The following FYB1 variants were observed in gnomAD, a reference collection of about 807,000 sequenced individuals.
FYB1 encodes FYN binding protein 1, also known as FYN-binding protein 1.
In FYB1, 41 loss-of-function variants were observed where a neutral mutation model predicts 94.1. That is an observed-to-expected ratio of 0.44 (90% CI 0.34 to 0.57). FYB1 has a LOEUF of 0.57. Among genes scored for constraint, FYB1 ranks in the 20% least tolerant of loss-of-function variants. FYB1 has a pLI of 0.02. For synonymous variants in FYB1, 367 were observed against 353.2 expected, an observed-to-expected ratio of 1.04 and a Z score of -0.44; for missense variants, 1,050 against 976.8, an observed-to-expected ratio of 1.07 and a Z score of -1.00.
chr5:39,187,546 G>C (rs1746946913), intron 2 of FYB1, among the ~76,000 whole-genome samples: 1 of 152,138 alleles, frequency 6.6e-6, no homozygotes, highest in Non-Finnish European at 1.5e-5. Flanking sequence ...AGTTGCACTT[G>C]GGCAATAATC....
intron 1 of FYB1, among the ~76,000 whole-genome samples, chr5:39,255,162 T>C (rs1332355443): frequency 2.0e-5 from 3 of 152,206 alleles, no homozygotes; most frequent in South Asian, 4.1e-4. Flanking sequence ...AAAAGGTTTA[T>C]TGTGGATATT....
chr5:39,216,007 T>C (rs922315988), intron 1 of FYB1, among the ~76,000 whole-genome samples: 2 of 152,102 alleles, frequency 1.3e-5, no homozygotes, highest in Non-Finnish European at 2.9e-5. Flanking sequence ...GTAGAGGTTT[T>C]AGTGATGCAA....
intron 1 of FYB1, among the ~76,000 whole-genome samples, chr5:39,241,707 C>T (rs1751213829): frequency 6.6e-6 from 1 of 152,110 alleles, no homozygotes; most frequent in Non-Finnish European, 1.5e-5. Flanking sequence ...AGGTGCCATG[C>T]ACAATGCTAC....
chr5:39,209,537 G>T (rs935390694), intron 1 of FYB1, among the ~76,000 whole-genome samples: 2 of 152,052 alleles, frequency 1.3e-5, no homozygotes, highest in African/African-American at 4.8e-5. Flanking sequence ...TGTTGGCCAG[G>T]CTGGTCTTGA....
At chr5:39,150,137 T>G (rs918946907) in intron 3 of FYB1, among the ~76,000 whole-genome samples, 3 of 152,076 alleles carry the variant, frequency 2.0e-5, no homozygotes, top group African/African-American at 7.2e-5. Flanking sequence ...AAGACCAGAT[T>G]AAAAATCAAA....
chr5:39,121,556 C>T (rs569317688), intron 14 of FYB1, among the ~76,000 whole-genome samples: 5 of 152,216 alleles, frequency 3.3e-5, no homozygotes, highest in African/African-American at 1.2e-4. Context: ...TAATCAAATA[C>T]AGGATCTTTT....
intron 14 of FYB1, among the ~76,000 whole-genome samples, chr5:39,120,224 TTGTG>T (rs10532379): frequency 1.0e-4 from 15 of 147,656 alleles, no homozygotes; most frequent in Admixed American, 2.0e-4. Flanking sequence ...CCTTTATCAA[TTGTG>T]TGTGTGTGTG....
intron 1 of FYB1, among the ~76,000 whole-genome samples, chr5:39,204,528 C>G (rs1316743288): frequency 6.6e-6 from 1 of 152,160 alleles, no homozygotes; most frequent in Admixed American, 6.5e-5. Context: ...AGGCCTTGAA[C>G]ATGCTACCTA....
At chr5:39,171,314 A>G (rs971903650) in intron 2 of FYB1, among the ~76,000 whole-genome samples, 1 of 152,068 alleles carries the variant, frequency 6.6e-6, no homozygotes, top group Non-Finnish European at 1.5e-5. Flanking sequence ...CCCTGAAGAT[A>G]GCATTTATAC....
intron 2 of FYB1, among the ~76,000 whole-genome samples, chr5:39,159,386 T>G (rs183708477): frequency 2.1e-4 from 32 of 152,270 alleles, no homozygotes; most frequent in African/African-American, 7.5e-4. Context: ...CACTAAGTAG[T>G]TTGTAAAACT....
At chr5:39,196,923 G>A (rs921911832) in intron 2 of FYB1, among the ~76,000 whole-genome samples, 37 of 152,132 alleles carry the variant, frequency 2.4e-4, no homozygotes, top group African/African-American at 8.7e-4. Context: ...AGGAATAAAC[G>A]GCATAATGTG....
intron 16 of FYB1, among the ~76,000 whole-genome samples, chr5:39,116,167 T>C (rs1044213108): frequency 6.6e-6 from 1 of 152,172 alleles, no homozygotes; most frequent in Non-Finnish European, 1.5e-5. Flanking sequence ...TGCCTTCGCT[T>C]CTCTATCTCA....
chr5:39,108,118 A>T (rs1738698394), intron 18 of FYB1, 113 bp downstream of exon 18: 1 of 1,013,288 alleles, frequency 9.9e-7, no homozygotes, highest in African/African-American at 1.7e-5. Flanking sequence ...TTTTCAAGTG[A>T]TTCAAATTCT....
intron 1 of FYB1, among the ~76,000 whole-genome samples, chr5:39,248,837 C>T (rs835193): frequency 0.15 from 22,607 of 152,016 alleles, 3,991 homozygotes; most frequent in African/African-American, 0.41. Context: ...ACTCTGTCTC[C>T]AGGTAGGGTA....
chr5:39,167,902 G>A (rs1346459343), intron 2 of FYB1, among the ~76,000 whole-genome samples: 1 of 152,062 alleles, frequency 6.6e-6, no homozygotes, highest in Admixed American at 6.6e-5. Context: ...ATCCTCCAGG[G>A]CATCAGCTTA....
At chr5:39,185,820 C>T (rs896075758) in intron 2 of FYB1, among the ~76,000 whole-genome samples, 2 of 151,960 alleles carry the variant, frequency 1.3e-5, no homozygotes, top group African/African-American at 2.4e-5. Context: ...GGGTTCCGCA[C>T]TCAGAGATGG....
At chr5:39,236,163 C>T (rs1032329162) in intron 1 of FYB1, among the ~76,000 whole-genome samples, 1 of 151,428 alleles carries the variant, frequency 6.6e-6, no homozygotes, top group Non-Finnish European at 1.5e-5. Flanking sequence ...AAGGCTCAAA[C>T]GTGGGTTAAT....
chr5:39,270,884 C>A, intron 1 of FYB1: 1 of 333,850 alleles, frequency 3.0e-6, no homozygotes. Flanking sequence ...TTTTGCTATA[C>A]ATTATTAATG....
intron 12 of FYB1, among the ~76,000 whole-genome samples, chr5:39,125,613 T>C (rs1201584272): frequency 6.6e-6 from 1 of 152,144 alleles, no homozygotes; most frequent in African/African-American, 2.4e-5. Context: ...AATGTGGCAT[T>C]GGAATTGTGA....
Sources: allele counts gnomAD v4.1 joint callset (sites outside exome capture counted in the v4.1 genomes callset), GRCh38; gene constraint gnomAD v4.1.1; transcripts MANE v1.5; gene names NCBI Gene and HGNC (gene_info 2026-07-23, HGNC 2026-07-21).